The following KIF27 variants were observed in gnomAD, a reference collection of about 807,000 sequenced individuals.
The protein encoded by KIF27 is kinesin family member 27.
In KIF27, 84 loss-of-function variants were observed where a neutral mutation model predicts 141.8. The observed-to-expected ratio is 0.59, with a 90% CI of 0.50 to 0.71. The LOEUF (loss-of-function observed/expected upper bound fraction) is 0.71, where lower values mean the gene tolerates loss of function less well. KIF27 is among the 30% of genes least tolerant of loss of function. The pLI, the probability that KIF27 is intolerant of heterozygous loss-of-function variation, is 0.00. For synonymous variants in KIF27, 471 were observed against 569.5 expected (o/e 0.83, Z 2.46); for missense variants, 1,306 against 1,628.4 (o/e 0.80, Z 3.41).
chr9:83,845,968 G>T (rs146935736), intron 16 of KIF27, among the ~76,000 whole-genome samples: 59 of 152,228 alleles, frequency 3.9e-4, no homozygotes, highest in Non-Finnish European at 6.3e-4. Context: ...TGATAACCCA[G>T]TCTGTGGATA....
intron 16 of KIF27, among the ~76,000 whole-genome samples, chr9:83,846,680 T>G (rs529410927): frequency 6.6e-6 from 1 of 152,296 alleles, no homozygotes; most frequent in South Asian, 2.1e-4. Context: ...GAAGTGGAAG[T>G]GGCACCACCC....
chr9:83,853,577 A>T (rs1247053472), intron 15 of KIF27, 52 bp downstream of exon 15: 16 of 1,204,052 alleles, frequency 1.3e-5, no homozygotes, highest in Non-Finnish European at 2.0e-5. Flanking sequence ...ATAGGATGTA[A>T]GCATCTTGAC....
rs1362596650 is a variant in KIF27 at position 83,880,430 on chromosome 9, C to T, written c.2510G>A (p.Arg837His). The T allele has an allele frequency of 1.2e-5, 19 of 1,613,360 alleles. No individual in the cohort carries two copies. The highest frequency in any genetic ancestry group is 1.4e-5 in the Non-Finnish European group (17 of 1,179,784). The change falls in exon 11 of 18, where the codon CGT becomes CAT. Residue 837 changes from arginine (R) to histidine (H), a missense_variant. Transcript: ENST00000297814. ...LASLSIQNEK[R>H]ANELEQSVDH... ...TACACTCTGCTCTAGCTCATTAGCACGTTTCTCATTTTGGATTGACAGTGA... is the reference window on the plus strand; with the variant it reads ...TACACTCTGCTCTAGCTCATTAGCATGTTTCTCATTTTGGATTGACAGTGA...
At chr9:83,842,063 CATTCA>C (rs1946636829) in intron 17 of KIF27, among the ~76,000 whole-genome samples, 169 bp downstream of exon 17, 1 of 152,198 alleles carries the variant, frequency 6.6e-6, no homozygotes, top group East Asian at 1.9e-4. Context: ...TAAATTTGTT[CATTCA>C]CTTCTCATGT....
chr9:83,893,663 T>C (rs1563968517), intron 5 of KIF27, among the ~76,000 whole-genome samples: 4 of 151,548 alleles, frequency 2.6e-5, no homozygotes. Context: ...GAAGAGAAGC[T>C]AAAAATCAAT....
At chr9:83,848,091 A>C (rs142648961) in intron 16 of KIF27, among the ~76,000 whole-genome samples, 1,275 of 44,510 alleles carry the variant, frequency 0.029, 252 homozygotes, top group African/African-American at 0.088. Context: ...TATCATATAT[A>C]TGATATATAT....
chr9:83,860,585 T>G (rs1949782436), intron 13 of KIF27, among the ~76,000 whole-genome samples: 1 of 152,248 alleles, frequency 6.6e-6, no homozygotes, highest in African/African-American at 2.4e-5. Context: ...AACTTTTTAT[T>G]GCACCTTATA....
At chr9:83,909,382 T>A (rs545612173) in intron 2 of KIF27, among the ~76,000 whole-genome samples, 9 of 152,170 alleles carry the variant, frequency 5.9e-5, no homozygotes, top group African/African-American at 2.2e-4. Flanking sequence ...GGCTAAGGCA[T>A]GCAGATCACT....
Position 83,903,588 on chromosome 9 carries a change from A to G in KIF27, c.930T>C (p.Ala310=). ...RLLKDSLGGS[A]KTVMITCVSP... ...TGACACATGTGATCATGACAGTCTT[A>G]GCACTGCCTCCCAGAGAATCTTTCA... The change falls in exon 4 of 18, where the codon GCT becomes GCC. Residue 310 remains alanine (A), a synonymous_variant. Transcript: ENST00000297814. 1.2e-6 allele frequency: 2 copies of G among 1,614,188 alleles called. No homozygotes were observed. Among genetic ancestry groups the G allele is most frequent in the Non-Finnish European group, 1.7e-6 (2 of 1,180,028 alleles).
chr9:83,919,401 T>C (rs1247533518), intron 1 of KIF27, among the ~76,000 whole-genome samples: 1 of 152,182 alleles, frequency 6.6e-6, no homozygotes, highest in Admixed American at 6.5e-5. Flanking sequence ...ATAAAGCTTA[T>C]ACAAAATTTA....
At chr9:83,848,273 A>C (rs1168510008) in intron 16 of KIF27, among the ~76,000 whole-genome samples, 1 of 110,976 alleles carries the variant, frequency 9.0e-6, no homozygotes, top group Non-Finnish European at 1.7e-5. Context: ...GATATATCAG[A>C]TATGATATAT....
intron 11 of KIF27, among the ~76,000 whole-genome samples, chr9:83,875,322 A>G (rs1207775382): frequency 6.6e-6 from 1 of 152,224 alleles, no homozygotes; most frequent in African/African-American, 2.4e-5. Context: ...AATTTCTAGC[A>G]CACCCAACTG....
chr9:83,895,733 A>G (rs1953147834), intron 5 of KIF27, among the ~76,000 whole-genome samples: 1 of 152,084 alleles, frequency 6.6e-6, no homozygotes, highest in African/African-American at 2.4e-5. Context: ...TGAAAATCCA[A>G]AAGAATTTAC....
intron 2 of KIF27, among the ~76,000 whole-genome samples, chr9:83,912,461 G>A (rs1247262101): frequency 2.6e-5 from 4 of 152,152 alleles, no homozygotes; most frequent in Admixed American, 6.5e-5. Context: ...GAACTAGCCT[G>A]TAGGAAATAT....
intron 12 of KIF27, among the ~76,000 whole-genome samples, chr9:83,870,153 A>C (rs756377291): frequency 2.6e-5 from 4 of 151,914 alleles, no homozygotes; most frequent in African/African-American, 2.4e-5. Flanking sequence ...CTATCTATCT[A>C]TCTATCTATC....
chr9:83,842,518 A>G, intron 16 of KIF27, 117 bp from the exon 17 acceptor site: 14 of 1,303,666 alleles, frequency 1.1e-5, no homozygotes, highest in Non-Finnish European at 1.4e-5. Flanking sequence ...GCTAGAGTGC[A>G]GTGGCGTGAT....
intron 15 of KIF27, among the ~76,000 whole-genome samples, 157 bp from the exon 16 acceptor site, chr9:83,850,454 A>G (rs12682981): frequency 0.32 from 48,824 of 151,960 alleles, 8,676 homozygotes; most frequent in African/African-American, 0.48. Context: ...TTTGTAACAT[A>G]TTCACAAAAC....
In KIF27 at chr9:83,891,206, C is replaced by G. The variant is rs566293289; in HGVS notation, c.1809+89G>C. 29 of 996,938 alleles carry G rather than the reference C, an allele frequency of 2.9e-5. No individual in the cohort carries two copies. In the Admixed American group the frequency reaches 4.1e-4, roughly 14 times the overall value. 61.8% of individuals were successfully genotyped at this position (996,938 alleles called of 1,614,324 possible). ...TTCCATAAAATCAAACAAAAAAAAT[C>G]TGCTGAGACTGTATAAATACACTGT... On this transcript the variant is annotated intron_variant, in intron 6 of 17. Transcript: ENST00000297814.
rs370367582 is a variant in KIF27, at chr9:83,862,141, C to T, written c.2935-2770G>A. Among the ~76,000 whole-genome samples, 369 of 151,068 alleles carry T rather than the reference C, an allele frequency of 2.4e-3. 2 individuals are homozygous for T. Among genetic ancestry groups the T allele is most frequent in the East Asian group, 0.022 (112 of 5,120 alleles). ...TCTGTAGGTTGCCTGTTCACTCTGACGGTAGTTTCTTTTGCTGTGCAGAAG... is the reference window on the plus strand; with the variant it reads ...TCTGTAGGTTGCCTGTTCACTCTGATGGTAGTTTCTTTTGCTGTGCAGAAG... On this transcript the variant is annotated intron_variant, in intron 13 of 17. Coordinates refer to ENST00000297814, the MANE Select transcript of KIF27 (RefSeq NM_017576.4).
Sources: allele counts gnomAD v4.1 joint callset (sites outside exome capture counted in the v4.1 genomes callset), GRCh38; gene constraint gnomAD v4.1.1; transcripts MANE v1.5; gene names NCBI Gene and HGNC (gene_info 2026-07-23, HGNC 2026-07-21).